The following ETS2 variants were observed in gnomAD, a reference collection of about 807,000 sequenced individuals.
ETS2 encodes the protein ETS proto-oncogene 2, transcription factor.
Under a neutral mutation model 54.9 loss-of-function variants are expected in ETS2, and 19 were observed. The observed-to-expected ratio is 0.35, with a 90% CI of 0.24 to 0.51. The LOEUF is 0.51. ETS2 is among the 20% of genes least tolerant of loss of function. ETS2 has a pLI of 0.97. For missense variants in ETS2, 417 were observed against 593.0 expected, an observed-to-expected ratio of 0.70 and a Z score of 3.08; for synonymous variants, 219 against 229.3, an observed-to-expected ratio of 0.95 and a Z score of 0.41.
intron 7 of ETS2, 58 bp from the exon 8 acceptor site, chr21:38,819,445 G>A: frequency 1.9e-6 from 3 of 1,554,272 alleles, no homozygotes; most frequent in Non-Finnish European, 2.7e-6. Flanking sequence ...CTATGGTCGT[G>A]CCCAAGACCA....
At chr21:38,812,978 AT>A (rs753087452) in intron 2 of ETS2, 24 bp from the exon 3 acceptor site, 40 of 1,512,492 alleles carry the variant, frequency 2.6e-5, no homozygotes, top group Middle Eastern at 1.7e-4. Flanking sequence ...TTGTATTTCC[AT>A]TTTTTTTCCA....
chr21:38,805,263 C>A, upstream of ETS2: 1 of 1,075,728 alleles, frequency 9.3e-7, no homozygotes, highest in Non-Finnish European at 1.2e-6. This position sits in a 1 kb window ranked among gnomAD's most constrained non-coding sequence, Gnocchi z 5.2. Flanking sequence ...ACAGCCAGGG[C>A]CCGGTTTCTA....
At chr21:38,822,520 G>A (rs1021400272) in intron 9 of ETS2, among the ~76,000 whole-genome samples, 154 bp from the exon 10 acceptor site, 4 of 152,200 alleles carry the variant, frequency 2.6e-5, no homozygotes, top group African/African-American at 9.7e-5. Flanking sequence ...AAGGTACTCA[G>A]AGGTACTCAA....
intron 5 of ETS2, among the ~76,000 whole-genome samples, chr21:38,816,772 C>T (rs923641473): frequency 1.3e-5 from 2 of 152,128 alleles, no homozygotes; most frequent in Non-Finnish European, 2.9e-5. Flanking sequence ...TTTAGTGTTG[C>T]CAATGACATC....
Position 38,814,531 on chromosome 21 carries a change from TTC to T in ETS2, c.304+141_304+142del. 1 of 1,105,064 alleles carries T rather than the reference TTC, an allele frequency of 9.0e-7. No homozygotes were observed. Among genetic ancestry groups the T allele is most frequent in the Admixed American group, 2.5e-5 (1 of 39,566 alleles). The allele number at this position is 1,105,064 out of a possible 1,614,324, so 68.5% of individuals were successfully genotyped here. ...ATGGATGTCGTTAACCTGAGCCAGT[TTC>T]TGTTTCACCCCAATCAACCCAAGAC... On this transcript the variant is annotated intron_variant, in intron 4 of 9. Coordinates refer to ENST00000360938, the MANE Select transcript of ETS2 (RefSeq NM_005239.6). The surrounding 1 kb of genome is among the most constrained non-coding windows in gnomAD (Gnocchi z 4.2).
chr21:38,815,175 AGTGTGTGTGTGT>A lies in ETS2; in HGVS notation c.505+211_505+222del, dbSNP rs3065531. 5.3e-5 allele frequency among the ~76,000 whole-genome samples: 8 copies of A among 149,916 alleles called. No individual in the cohort carries two copies. In the East Asian group the frequency reaches 5.9e-4, roughly 11 times the overall value. ...ATAGATTTTTATCCCACTTTATGTG[AGTGTGTGTGTGT>A]GTGTGTGTGTGTGTGTATAGCATCA... On this transcript the variant is annotated intron_variant, in intron 5 of 9. Transcript: ENST00000360938.
At position 38,806,830 on chromosome 21, in the gene ETS2, T is replaced by C. The variant is rs1319366382; in HGVS notation, c.-1+710T>C. 1.0e-6 allele frequency: 1 copy of C among 985,340 alleles called. No individual in the cohort carries two copies. Among genetic ancestry groups the C allele is most frequent in the African/African-American group, 1.7e-5 (1 of 57,244 alleles). 61.0% of individuals were successfully genotyped at this position (985,340 alleles called of 1,614,324 possible). On this transcript the variant is annotated intron_variant, in intron 1 of 9. Transcript: ENST00000360938. This position sits in a 1 kb window ranked among gnomAD's most constrained non-coding sequence, Gnocchi z 4.3. ...AGAGGTAACTGAGTGTTTGCTTGTG[T>C]GTGTTTGGGTTGCGTGTGTGTTATC...
At position 38,806,433 on chromosome 21, in the gene ETS2, C is replaced by G; in HGVS notation, c.-1+313C>G. Reference sequence around the variant, plus strand: ...CCAGGGCGCGCTGGCTTGTTTCGCTCGCTTTTGTTTTTAAAAGGAAACGCA... The same window carrying G: ...CCAGGGCGCGCTGGCTTGTTTCGCTGGCTTTTGTTTTTAAAAGGAAACGCA... On this transcript the variant is annotated intron_variant, in intron 1 of 9. Coordinates refer to ENST00000360938, the MANE Select transcript of ETS2 (RefSeq NM_005239.6). This position sits in a 1 kb window ranked among gnomAD's most constrained non-coding sequence, Gnocchi z 4.3. 2 of 985,512 alleles carry G rather than the reference C, an allele frequency of 2.0e-6. No individual in the cohort carries two copies. Among genetic ancestry groups the G allele is most frequent in the East Asian group, 1.1e-4 (1 of 8,800 alleles). The allele number at this position is 985,512 out of a possible 1,614,324, so 61.0% of individuals were successfully genotyped here.
Position 38,806,351 on chromosome 21 carries a change from G to A in ETS2, c.-1+231G>A, listed in dbSNP as rs1404773898. The A allele has an allele frequency of 2.5e-5, 24 of 973,256 alleles. No individual in the cohort carries two copies. Among genetic ancestry groups the A allele is most frequent in the Non-Finnish European group, 2.9e-5 (24 of 818,990 alleles). The allele number at this position is 973,256 out of a possible 1,614,324, so 60.3% of individuals were successfully genotyped here. A position where few individuals can be genotyped will look rare whatever the true frequency, so the allele number is the denominator to read the frequency against. ...GCCTCCGGGGCTGGCGGGGTCGGCC[G>A]GGGGGTTCCTGCGTGCTAGGGCCGC... On this transcript the variant is annotated intron_variant, in intron 1 of 9. Transcript: ENST00000360938. This position sits in a 1 kb window ranked among gnomAD's most constrained non-coding sequence, Gnocchi z 4.3.
intron 1 of ETS2, among the ~76,000 whole-genome samples, chr21:38,808,608 G>GTGTC (rs2060902535): frequency 6.6e-6 from 1 of 151,896 alleles, no homozygotes; most frequent in Non-Finnish European, 1.5e-5. Context: ...GTGTGTGTGT[G>GTGTC]TGTGTGTGTT....
chr21:38,820,726 T>G (rs976861309), intron 8 of ETS2, among the ~76,000 whole-genome samples: 4 of 152,200 alleles, frequency 2.6e-5, no homozygotes, highest in African/African-American at 9.7e-5. Flanking sequence ...ACAGCTCTGG[T>G]TCTAGAATGC....
Position 38,805,969 on chromosome 21 carries a change from A to T in ETS2, c.-152A>T. The T allele has an allele frequency of 7.9e-7, 1 of 1,266,120 alleles. No homozygotes were observed. The highest frequency in any genetic ancestry group is 1.3e-5 in the South Asian group (1 of 79,218). The allele number at this position is 1,266,120 out of a possible 1,614,324, so 78.4% of individuals were successfully genotyped here. A position where few individuals can be genotyped will look rare whatever the true frequency, so the allele number is the denominator to read the frequency against. ...AGACTGACGAGTGCGGTGTCGCTCC[A>T]GCTCAGAGCTCCCGGAGCCGCCCGG... On this transcript the variant is annotated 5_prime_UTR_variant, in exon 1 of 10. Coordinates refer to ENST00000360938, the MANE Select transcript of ETS2 (RefSeq NM_005239.6). This position sits in a 1 kb window ranked among gnomAD's most constrained non-coding sequence, Gnocchi z 5.2.
intron 1 of ETS2, 45 bp from the exon 2 acceptor site, chr21:38,809,990 T>C: frequency 7.8e-7 from 1 of 1,284,084 alleles, no homozygotes; most frequent in Admixed American, 2.4e-5. Context: ...GAGTTTAGTG[T>C]ACTTAATCTT....
chr21:38,817,167 G>A (rs1377702937), intron 6 of ETS2, 76 bp downstream of exon 6: 1 of 950,772 alleles, frequency 1.1e-6, no homozygotes, highest in East Asian at 2.4e-5. Context: ...TCTACTGTAG[G>A]CTCCTAAGGG....
Position 38,814,644 on chromosome 21 carries a change from T to C in ETS2, c.305-137T>C. 1.2e-6 allele frequency: 1 copy of C among 827,168 alleles called. No homozygotes were observed. The highest frequency in any genetic ancestry group is 1.9e-6 in the Non-Finnish European group (1 of 519,258). 51.2% of individuals were successfully genotyped at this position (827,168 alleles called of 1,614,324 possible). On this transcript the variant is annotated intron_variant, in intron 4 of 9. Coordinates refer to ENST00000360938, the MANE Select transcript of ETS2 (RefSeq NM_005239.6). This position sits in a 1 kb window ranked among gnomAD's most constrained non-coding sequence, Gnocchi z 4.2. The stretch of plus-strand genomic sequence containing the variant: ...CCTGGGTCGTGTCAGAATGGTGACG[T>C]GTCATCATGGTATCTTGCTCATTCG...
At chr21:38,805,264 C>T, upstream of ETS2, 1 of 1,084,566 alleles carries the variant, frequency 9.2e-7, no homozygotes, top group South Asian at 1.6e-5. This position sits in a 1 kb window ranked among gnomAD's most constrained non-coding sequence, Gnocchi z 5.2. Context: ...CAGCCAGGGC[C>T]CGGTTTCTAC....
At chr21:38,812,311 AT>A (rs1258512134) in intron 2 of ETS2, among the ~76,000 whole-genome samples, 1 of 152,104 alleles carries the variant, frequency 6.6e-6, no homozygotes. Context: ...GCCTAGTTGA[AT>A]TTTTCTCAAT....
chr21:38,808,912 G>A (rs1184961489), intron 1 of ETS2, among the ~76,000 whole-genome samples: 1 of 152,194 alleles, frequency 6.6e-6, no homozygotes, highest in Non-Finnish European at 1.5e-5. Context: ...TAGAGGTGAA[G>A]GCCATTCATC....
intron 3 of ETS2, among the ~76,000 whole-genome samples, chr21:38,813,506 C>A (rs1208933159): frequency 6.6e-6 from 1 of 152,200 alleles, no homozygotes; most frequent in Non-Finnish European, 1.5e-5. Context: ...AAATCATCTC[C>A]CCTGCCCTGA....
Sources: gnomAD v4.1 joint callset for allele counts (sites outside exome capture counted in the v4.1 genomes callset) on GRCh38, gnomAD v4.1.1 for gene constraint, Gnocchi (gnomAD v3.1) non-coding constraint, MANE v1.5 for transcripts, NCBI Gene and HGNC (gene_info 2026-07-23, HGNC 2026-07-21) for gene names.